Variants in LPGAT1 observed in about 807,000 individuals in gnomAD.
The protein encoded by LPGAT1 is lysophosphatidylglycerol acyltransferase 1, also known as acyl-CoA:lysophosphatidylglycerol acyltransferase 1.
Under a neutral mutation model 47.5 loss-of-function variants are expected in LPGAT1, and 11 were observed. The ratio of observed to expected loss-of-function variants is 0.23; its 90% CI spans 0.15 to 0.38. The LOEUF is 0.38. LPGAT1 is among the 10% of genes least tolerant of loss of function. The pLI is 1.00. For synonymous variants in LPGAT1, 138 were observed against 144.2 expected, an observed-to-expected ratio of 0.96 and a Z score of 0.31; for missense variants, 293 against 439.0, an observed-to-expected ratio of 0.67 and a Z score of 2.97.
chr1:211,817,600 A>T (rs1372099205), intron 2 of LPGAT1, among the ~76,000 whole-genome samples: 1 of 152,018 alleles, frequency 6.6e-6, no homozygotes, highest in African/African-American at 2.4e-5. Flanking sequence ...AAGAATTTTT[A>T]ATAATCTAGA....
intron 6 of LPGAT1, among the ~76,000 whole-genome samples, chr1:211,760,177 G>A (rs997845014): frequency 5.3e-5 from 8 of 152,172 alleles, no homozygotes; most frequent in Non-Finnish European, 1.0e-4. Flanking sequence ...TAGAGATATC[G>A]GGCCGGGCGT....
At chr1:211,750,595 A>G (rs1657135922) in intron 7 of LPGAT1, among the ~76,000 whole-genome samples, 1 of 152,250 alleles carries the variant, frequency 6.6e-6, no homozygotes, top group Non-Finnish European at 1.5e-5. Flanking sequence ...TTTTGTCAAA[A>G]AAGTAGTTGT....
intron 6 of LPGAT1, among the ~76,000 whole-genome samples, chr1:211,753,594 T>C (rs984177746): frequency 3.3e-5 from 5 of 152,214 alleles, no homozygotes; most frequent in Non-Finnish European, 7.3e-5. Context: ...ATATCTTATG[T>C]TTATAATAAG....
chr1:211,782,393 T>C (rs113077043), intron 5 of LPGAT1, among the ~76,000 whole-genome samples: 326 of 152,360 alleles, frequency 2.1e-3, no homozygotes, highest in African/African-American at 7.5e-3. Flanking sequence ...TATTAACACT[T>C]AATGCTCTTA....
rs376533073 is a variant in LPGAT1 at position 211,808,936 on chromosome 1, G to A, written c.239-15746C>T. Among the ~76,000 whole-genome samples, 35 of 152,126 alleles carry A rather than the reference G, an allele frequency of 2.3e-4. No homozygotes were observed. The South Asian group carries it at 5.2e-3, about 23-fold the overall frequency. On this transcript the variant is annotated intron_variant, in intron 2 of 7. Transcript: ENST00000366997. ...GTGTTGGCCAGGCACGGTGGCTCAC[G>A]CCTGTAATCCCAGCACTTTGGGAGG...
At chr1:211,816,940 G>C (rs1262560466) in intron 2 of LPGAT1, among the ~76,000 whole-genome samples, 1 of 152,096 alleles carries the variant, frequency 6.6e-6, no homozygotes, top group East Asian at 1.9e-4. Flanking sequence ...AAATACATCT[G>C]TATACAAATA....
chr1:211,778,865 A>G (rs1304473023), intron 6 of LPGAT1, 53 bp downstream of exon 6: 2 of 1,389,774 alleles, frequency 1.4e-6, no homozygotes, highest in Admixed American at 5.3e-5. Context: ...CATTCATACT[A>G]TTCTGAGGTA....
chr1:211,775,188 G>A (rs926937204), intron 6 of LPGAT1, among the ~76,000 whole-genome samples: 1 of 152,140 alleles, frequency 6.6e-6, no homozygotes, highest in South Asian at 2.1e-4. Flanking sequence ...GTGGTGGCAG[G>A]TGCCTGCAAA....
chr1:211,759,749 A>G (rs1657613840), intron 6 of LPGAT1, among the ~76,000 whole-genome samples: 1 of 152,174 alleles, frequency 6.6e-6, no homozygotes, highest in Non-Finnish European at 1.5e-5. Context: ...TTGAATTTTC[A>G]TTGTAATCTC....
intron 6 of LPGAT1, among the ~76,000 whole-genome samples, chr1:211,766,336 A>G (rs939815945): frequency 2.0e-5 from 3 of 152,172 alleles, no homozygotes; most frequent in African/African-American, 7.2e-5. Flanking sequence ...CCAATTTCTC[A>G]TAATAAATCT....
At chr1:211,822,503 G>A (rs180900887) in intron 2 of LPGAT1, among the ~76,000 whole-genome samples, 101 of 152,194 alleles carry the variant, frequency 6.6e-4, no homozygotes, top group Non-Finnish European at 7.9e-4. Context: ...TCGGCCAGGC[G>A]CAGTGACTCA....
chr1:211,817,388 A>G (rs1476527020), intron 2 of LPGAT1, among the ~76,000 whole-genome samples: 1 of 152,154 alleles, frequency 6.6e-6, no homozygotes, highest in Non-Finnish European at 1.5e-5. Context: ...CCTGGCCAAC[A>G]TGGCAAAACC....
chr1:211,767,652 G>A (rs1283153461), intron 6 of LPGAT1, among the ~76,000 whole-genome samples: 1 of 152,066 alleles, frequency 6.6e-6, no homozygotes, highest in Non-Finnish European at 1.5e-5. Flanking sequence ...GCAGGATATG[G>A]AGGCAAAGCA....
intron 7 of LPGAT1, 25 bp from the exon 8 acceptor site, chr1:211,750,075 G>C: frequency 6.2e-7 from 1 of 1,605,228 alleles, no homozygotes; most frequent in Non-Finnish European, 8.5e-7. Flanking sequence ...AGAAATATTA[G>C]TTTGTTTTAC....
chr1:211,767,434 C>G (rs1234208330), intron 6 of LPGAT1, among the ~76,000 whole-genome samples: 1 of 152,134 alleles, frequency 6.6e-6, no homozygotes, highest in African/African-American at 2.4e-5. Context: ...TCATACCCAG[C>G]CTGAAAAGTT....
At chr1:211,824,158 G>A (rs901054935) in intron 2 of LPGAT1, among the ~76,000 whole-genome samples, 1 of 152,052 alleles carries the variant, frequency 6.6e-6, no homozygotes, top group African/African-American at 2.4e-5. Context: ...AGCACTGTGG[G>A]AGCCAAGGTG....
At chr1:211,787,356 G>A (rs1054937943) in intron 4 of LPGAT1, among the ~76,000 whole-genome samples, 6 of 151,934 alleles carry the variant, frequency 3.9e-5, no homozygotes, top group Non-Finnish European at 1.5e-5. Flanking sequence ...TGGGCGTAGT[G>A]GCATGCCTAT....
At position 211,788,759 on chromosome 1, in the gene LPGAT1, T is replaced by C. The variant is rs531194469; in HGVS notation, c.358-1032A>G. On this transcript the variant is annotated intron_variant, in intron 3 of 7. Transcript: ENST00000366997. ...TAATTGTTCTTTCCTGCTGAGGAAA[T>C]AGCATTCCTTGTTATAAGCCTTAAC... Among the ~76,000 whole-genome samples, 10 of 151,758 alleles carry C rather than the reference T, an allele frequency of 6.6e-5. No homozygotes were observed. The South Asian group carries it at 2.1e-3, about 32-fold the overall frequency.
chr1:211,798,355 C>T (rs1659432831), intron 2 of LPGAT1, among the ~76,000 whole-genome samples: 1 of 152,102 alleles, frequency 6.6e-6, no homozygotes, highest in Non-Finnish European at 1.5e-5. Flanking sequence ...GAGCCCTATG[C>T]CTACTGTGTC....
Sources: allele counts gnomAD v4.1 joint callset (sites outside exome capture counted in the v4.1 genomes callset), GRCh38; gene constraint gnomAD v4.1.1; transcripts MANE v1.5; gene names NCBI Gene and HGNC (gene_info 2026-07-23, HGNC 2026-07-21).